Variants in NUP188 observed in about 807,000 individuals in gnomAD.
The protein encoded by NUP188 is nucleoporin 188.
A neutral mutation model predicts 223.0 loss-of-function variants in NUP188; 97 were observed. The observed-to-expected ratio is 0.43, with a 90% CI of 0.37 to 0.51. The LOEUF (loss-of-function observed/expected upper bound fraction) is 0.51, where lower values mean the gene tolerates loss of function less well. Ranked by LOEUF, NUP188 falls within the 20% of genes least tolerant of loss-of-function variation. The pLI is 0.00. For synonymous variants in NUP188, 869 were observed against 828.0 expected, an observed-to-expected ratio of 1.05 and a Z score of -0.85; for missense variants, 1,947 against 2,175.6, an observed-to-expected ratio of 0.89 and a Z score of 2.09.
chr9:129,004,322 AACAC>A (rs1236423013), intron 38 of NUP188, among the ~76,000 whole-genome samples: 7 of 151,990 alleles, frequency 4.6e-5, no homozygotes, highest in Non-Finnish European at 8.8e-5. Context: ...AAACCAAAAA[AACAC>A]ACACAACTGG....
At chr9:128,983,453 A>T in intron 18 of NUP188, 21 bp from the exon 19 acceptor site, 1 of 1,613,188 alleles carries the variant, frequency 6.2e-7, no homozygotes, top group East Asian at 2.2e-5. Flanking sequence ...TGGGCATTTA[A>T]CTCTTCCTTT....
intron 13 of NUP188, among the ~76,000 whole-genome samples, chr9:128,979,954 T>A (rs953257472): frequency 6.6e-6 from 1 of 152,176 alleles, no homozygotes; most frequent in African/African-American, 2.4e-5. Flanking sequence ...AGTTTTTTGT[T>A]TTTATATATG....
chr9:128,948,271 C>A (rs1439419946), intron 1 of NUP188: 1 of 153,348 alleles, frequency 6.5e-6, no homozygotes, highest in East Asian at 1.9e-4. Flanking sequence ...TCTGTCCTCT[C>A]CGCGCCTCGT....
chr9:128,989,994 G>A (rs1842391859), intron 24 of NUP188, 126 bp from the exon 25 acceptor site: 2 of 726,896 alleles, frequency 2.8e-6, no homozygotes, highest in South Asian at 1.7e-5. Flanking sequence ...GGTTTGCTGT[G>A]GCCCTCCAAG....
At chr9:128,969,562 G>C (rs1246435752) in intron 10 of NUP188, 48 bp downstream of exon 10, 1 of 1,060,240 alleles carries the variant, frequency 9.4e-7, no homozygotes, top group African/African-American at 1.6e-5. Flanking sequence ...TAAGTTAGTA[G>C]TAGCTTTCAA....
intron 17 of NUP188, 27 bp downstream of exon 17, chr9:128,983,055 C>A (rs540589227): frequency 1.9e-6 from 3 of 1,612,716 alleles, no homozygotes; most frequent in African/African-American, 2.7e-5. Context: ...TGACCCTCAG[C>A]TGCCCAGTAG....
At chr9:128,969,221 A>G (rs1428673650) in intron 9 of NUP188, among the ~76,000 whole-genome samples, 179 bp from the exon 10 acceptor site, 2 of 151,552 alleles carry the variant, frequency 1.3e-5, no homozygotes, top group Non-Finnish European at 2.9e-5. Context: ...ATAGTCTTGA[A>G]CTCCTGGCCT....
chr9:128,981,305 TTATAA>T lies in NUP188; in HGVS notation c.1432_1436del (p.Tyr478ThrfsTer5), dbSNP rs1436056885. 6.2e-7 allele frequency: 1 copy of T among 1,614,066 alleles called. No individual in the cohort carries two copies. The highest frequency in any genetic ancestry group is 1.7e-5 in the Admixed American group (1 of 60,012). On this transcript the variant is annotated frameshift_variant, in exon 15 of 44. Coordinates refer to ENST00000372577, the MANE Select transcript of NUP188 (RefSeq NM_015354.3). LOFTEE classifies it high-confidence loss of function. The stretch of plus-strand genomic sequence containing the variant: ...ATAAGATGTCTTTCTACAATGAACT[TTATAA>T]ACACAAGCCTCATGATGTGATCTCC...
intron 34 of NUP188, 114 bp downstream of exon 34, chr9:128,999,919 C>T (rs1588292187): frequency 4.0e-6 from 4 of 991,572 alleles, no homozygotes; most frequent in Non-Finnish European, 6.0e-6. Flanking sequence ...CTGGAGTTCA[C>T]GGCCTGGTGG....
At chr9:128,995,899 G>T (rs907829594) in intron 30 of NUP188, among the ~76,000 whole-genome samples, 1 of 152,204 alleles carries the variant, frequency 6.6e-6, no homozygotes, top group African/African-American at 2.4e-5. Context: ...TCAGCAGGGA[G>T]CTGTGACAGC....
chr9:128,970,944 A>G lies in NUP188; in HGVS notation c.1099A>G (p.Ser367Gly). ...GACCCGATTGCTCCAGTCCCTTGCC[A>G]GTGGGGGAAATGATGTGAGTTTAAG... ...YLTRLLQSLA[S>G]GGNDCTTSTA... Residue 367 changes from serine (S) to glycine (G), a missense_variant, in exon 11 of 44, where the codon AGT becomes GGT. This residue lies in a region of NUP188 where 817 missense variants were observed against 865.8 expected (regional missense o/e 0.94). Coordinates refer to ENST00000372577, the MANE Select transcript of NUP188 (RefSeq NM_015354.3). 6.2e-7 allele frequency: 1 copy of G among 1,613,734 alleles called. No individual in the cohort carries two copies. The highest frequency in any genetic ancestry group is 2.2e-5 in the East Asian group (1 of 44,882).
intron 10 of NUP188, among the ~76,000 whole-genome samples, chr9:128,970,315 G>A (rs1842087942): frequency 6.6e-6 from 1 of 152,152 alleles, no homozygotes; most frequent in Non-Finnish European, 1.5e-5. Context: ...GTCTGTGAGA[G>A]TGATTCATTC....
intron 8 of NUP188, 28 bp downstream of exon 8, chr9:128,959,162 CTT>C (rs759371132): frequency 7.1e-5 from 87 of 1,232,204 alleles, no homozygotes; most frequent in Admixed American, 1.2e-4. Flanking sequence ...TCTCCTGTAA[CTT>C]TTTTTTTTTA....
chr9:128,995,194 T>C, intron 29 of NUP188, 125 bp from the exon 30 acceptor site: 1 of 724,230 alleles, frequency 1.4e-6, no homozygotes, highest in South Asian at 1.7e-5. Context: ...ACGTTGGAGG[T>C]GTCCTGGAGC....
chr9:128,983,338 T>C lies in NUP188; in HGVS notation c.1842T>C (p.Cys614=). The C allele has an allele frequency of 6.2e-7, 1 of 1,614,216 alleles. No individual in the cohort carries two copies. Among genetic ancestry groups the C allele is most frequent in the Middle Eastern group, 1.6e-4 (1 of 6,062 alleles). ...CACCTGTGGATGTCATTGCTTCTTG[T>C]GTCAACTGCTTAACTGTTTTGGCTG... ...ISPPVDVIAS[C]VNCLTVLAAR... is the part of the protein sequence containing the mutation. Residue 614 remains cysteine (C), a synonymous_variant, in exon 18 of 44, where the codon TGT becomes TGC. Coordinates refer to ENST00000372577, the MANE Select transcript of NUP188 (RefSeq NM_015354.3).
At chr9:128,985,218 A>G (rs1192456897) in intron 20 of NUP188, 3 of 457,656 alleles carry the variant, frequency 6.6e-6, no homozygotes, top group Non-Finnish European at 1.2e-5. Context: ...GTGCTTAATT[A>G]TGTGAATTTA....
rs778202401 is a variant in NUP188 at position 128,981,264 on chromosome 9, G to T, written c.1390G>T (p.Val464Leu). ...LVSGKSTAKK[V>L]YSFLDKMSFY... Reference sequence around the variant, plus strand: ...GTGATGGTTTTTTCTGTTTTGGCAGGTGTATAGCTTCTTGGATAAGATGTC... The same window carrying T: ...GTGATGGTTTTTTCTGTTTTGGCAGTTGTATAGCTTCTTGGATAAGATGTC... The change falls in exon 15 of 44, where the codon GTG becomes TTG. Residue 464 changes from valine (V) to leucine (L), a missense_variant and splice_region_variant. Val to Leu is a conservative substitution (Grantham distance 32). Transcript: ENST00000372577. The T allele has an allele frequency of 1.9e-6, 3 of 1,613,352 alleles. No individual in the cohort carries two copies. Among genetic ancestry groups the T allele is most frequent in the South Asian group, 1.1e-5 (1 of 90,948 alleles).
In NUP188 at chr9:129,002,766, G is replaced by A. The variant is rs777968642; in HGVS notation, c.4138-51G>A. On this transcript the variant is annotated intron_variant, in intron 36 of 43. Transcript: ENST00000372577. ...TGCCTTAGTTGCTGTACTACAAGGA[G>A]GTCCTGCCTCTCAGCAGGGTTCCTG... 1.9e-6 allele frequency: 3 copies of A among 1,580,458 alleles called. No individual in the cohort carries two copies. The Admixed American group carries it at 5.3e-5, about 28-fold the overall frequency.
intron 37 of NUP188, 76 bp from the exon 38 acceptor site, chr9:129,003,241 C>G: frequency 6.5e-7 from 1 of 1,530,390 alleles, no homozygotes; most frequent in Non-Finnish European, 8.8e-7. Flanking sequence ...CGTTGCCTCT[C>G]CACAGGAGGG....
Sources: gnomAD v4.1 joint callset for allele counts (sites outside exome capture counted in the v4.1 genomes callset) on GRCh38, gnomAD v4.1.1 for gene constraint, gnomAD v4.1.1 regional missense constraint, MANE v1.5 for transcripts, NCBI Gene and HGNC (gene_info 2026-07-23, HGNC 2026-07-21) for gene names.